Variants in PRKCZ observed in about 807,000 individuals in gnomAD.
The protein encoded by PRKCZ is protein kinase C zeta type.
A neutral mutation model predicts 79.5 loss-of-function variants in PRKCZ; 33 were observed. The ratio of observed to expected loss-of-function variants is 0.41; its 90% CI spans 0.31 to 0.55. The LOEUF (loss-of-function observed/expected upper bound fraction) is 0.55, where lower values mean the gene tolerates loss of function less well. PRKCZ is among the 20% of genes least tolerant of loss of function. The pLI is 0.19. For missense variants in PRKCZ, 578 were observed against 813.5 expected (o/e 0.71, Z 3.52); for synonymous variants, 342 against 320.9 (o/e 1.07, Z -0.70).
intron 4 of PRKCZ, among the ~76,000 whole-genome samples, chr1:2,114,666 C>T (rs1038165665): frequency 2.6e-5 from 4 of 151,908 alleles, no homozygotes; most frequent in South Asian, 2.1e-4. Flanking sequence ...CCCAGCTGCT[C>T]GGGAGGCTGA....
chr1:2,160,296 G>A (rs1025906278), intron 10 of PRKCZ, among the ~76,000 whole-genome samples: 2 of 150,836 alleles, frequency 1.3e-5, no homozygotes, highest in African/African-American at 2.5e-5. Context: ...AAACCTGCCC[G>A]AAGCTCTGGA....
chr1:2,153,939 C>T (rs976032671), intron 9 of PRKCZ, among the ~76,000 whole-genome samples: 2 of 152,234 alleles, frequency 1.3e-5, no homozygotes, highest in African/African-American at 2.4e-5. Flanking sequence ...CTTGTTCCCC[C>T]AGGAGTCACT....
intron 10 of PRKCZ, among the ~76,000 whole-genome samples, chr1:2,157,922 C>T (rs950168872): frequency 6.6e-6 from 1 of 151,702 alleles, no homozygotes; most frequent in Non-Finnish European, 1.5e-5. Context: ...GCCAGCTTTG[C>T]GGGCCAGGCT....
chr1:2,103,099 A>C (rs985536421), intron 4 of PRKCZ, among the ~76,000 whole-genome samples: 47 of 152,120 alleles, frequency 3.1e-4, no homozygotes, highest in African/African-American at 1.1e-3. Context: ...GGAATGCCCC[A>C]AGTGATTCTC....
At chr1:2,157,311 G>A (rs1215192325) in intron 10 of PRKCZ, among the ~76,000 whole-genome samples, 1 of 152,180 alleles carries the variant, frequency 6.6e-6, no homozygotes, top group Non-Finnish European at 1.5e-5. Context: ...CCCGTGCCCA[G>A]TCAAGGTGAC....
upstream of PRKCZ, chr1:2,049,095 G>A (rs1245126425): frequency 1.3e-5 from 2 of 152,314 alleles, no homozygotes; most frequent in Non-Finnish European, 2.9e-5. Flanking sequence ...GAACCCAGGA[G>A]GCAGAAGTTG....
At chr1:2,108,039 A>C (rs930234683) in intron 4 of PRKCZ, among the ~76,000 whole-genome samples, 48 of 152,230 alleles carry the variant, frequency 3.2e-4, no homozygotes, top group Non-Finnish European at 6.3e-4. Flanking sequence ...GGGTGCTGCC[A>C]GCCTTAGGCC....
chr1:2,052,221 C>T (rs1659735540), intron 1 of PRKCZ, among the ~76,000 whole-genome samples: 1 of 152,162 alleles, frequency 6.6e-6, no homozygotes, highest in African/African-American at 2.4e-5. Context: ...GCGTCCAATT[C>T]CTGGGACCAA....
rs889468293 is a variant in PRKCZ at position 2,127,598 on chromosome 1, G to A, written c.335-7664G>A. On this transcript the variant is annotated intron_variant, in intron 4 of 17. Coordinates refer to ENST00000378567, the MANE Select transcript of PRKCZ (RefSeq NM_002744.6). This position sits in a 1 kb window ranked among gnomAD's most constrained non-coding sequence, Gnocchi z 5.1. ...GGACTTCTGTTCAGACAGCTCTGCTGGGAGCGTTCTGGCCTGAAATGCAGT... is the reference window on the plus strand; with the variant it reads ...GGACTTCTGTTCAGACAGCTCTGCTAGGAGCGTTCTGGCCTGAAATGCAGT... Among the ~76,000 whole-genome samples the A allele has an allele frequency of 6.6e-6, 1 of 152,250 alleles. No homozygotes were observed. The highest frequency in any genetic ancestry group is 2.4e-5 in the African/African-American group (1 of 41,472).
chr1:2,168,261 C>T lies in PRKCZ; in HGVS notation c.975-1257C>T, dbSNP rs933676913. ...ATAGATGCACCAGTGAGCATAGCCTCGTTCCAATAAAACTTTATTTACAAA... is the reference window on the plus strand; with the variant it reads ...ATAGATGCACCAGTGAGCATAGCCTTGTTCCAATAAAACTTTATTTACAAA... On this transcript the variant is annotated intron_variant, in intron 10 of 17. Coordinates refer to ENST00000378567, the MANE Select transcript of PRKCZ (RefSeq NM_002744.6). This position sits in a 1 kb window ranked among gnomAD's most constrained non-coding sequence, Gnocchi z 4.7. 1.3e-5 allele frequency among the ~76,000 whole-genome samples: 2 copies of T among 152,194 alleles called. No homozygotes were observed. The highest frequency in any genetic ancestry group is 4.8e-5 in the African/African-American group (2 of 41,432).
chr1:2,052,671 C>A (rs1330399195), intron 1 of PRKCZ, among the ~76,000 whole-genome samples: 1 of 152,108 alleles, frequency 6.6e-6, no homozygotes, highest in Non-Finnish European at 1.5e-5. Context: ...GCACCCGGTG[C>A]CTCTCTGAGG....
intron 4 of PRKCZ, chr1:2,073,802 C>T (rs1025683680): frequency 2.9e-6 from 3 of 1,030,554 alleles, no homozygotes; most frequent in Non-Finnish European, 3.5e-6. Context: ...GCCTCCCTGC[C>T]TATTGTCGGG....
Position 2,082,532 on chromosome 1 carries a change from C to T in PRKCZ, c.334+22941C>T, listed in dbSNP as rs1425158773. 1 of 402,002 alleles carries T rather than the reference C, an allele frequency of 2.5e-6. No individual in the cohort carries two copies. The highest frequency in any genetic ancestry group is 2.1e-5 in the African/African-American group (1 of 48,376). 24.9% of individuals were successfully genotyped at this position (402,002 alleles called of 1,614,324 possible). ...GTGGGCAGTGCCGTGCTGGTAAATG[C>T]TCTGTGAGGAAGGAACGATGGTGGG... On this transcript the variant is annotated intron_variant, in intron 4 of 17. Coordinates refer to ENST00000378567, the MANE Select transcript of PRKCZ (RefSeq NM_002744.6). The surrounding 1 kb of genome is among the most constrained non-coding windows in gnomAD (Gnocchi z 4.4).
chr1:2,158,475 C>T (rs1486665613), intron 10 of PRKCZ, among the ~76,000 whole-genome samples: 2 of 152,232 alleles, frequency 1.3e-5, no homozygotes, highest in African/African-American at 4.8e-5. Flanking sequence ...CCTTCTGCTC[C>T]CCTGCTTCCC....
intron 4 of PRKCZ, among the ~76,000 whole-genome samples, chr1:2,098,026 A>C (rs1173402778): frequency 6.6e-6 from 1 of 151,972 alleles, no homozygotes; most frequent in Admixed American, 6.6e-5. Flanking sequence ...CGGGGTGAAT[A>C]GTTTGACGGG....
At position 2,172,579 on chromosome 1, in the gene PRKCZ, TG is replaced by T. The variant is rs1208487128; in HGVS notation, c.1285+192del. 6.6e-6 allele frequency among the ~76,000 whole-genome samples: 1 copy of T among 152,224 alleles called. No individual in the cohort carries two copies. Among genetic ancestry groups the T allele is most frequent in the African/African-American group, 2.4e-5 (1 of 41,468 alleles). On this transcript the variant is annotated intron_variant, in intron 13 of 17. Coordinates refer to ENST00000378567, the MANE Select transcript of PRKCZ (RefSeq NM_002744.6). The surrounding 1 kb of genome is among the most constrained non-coding windows in gnomAD (Gnocchi z 7.8). Reference sequence around the variant, plus strand: ...TTCTGGAAAACCTCCCATGTCCACTTGAGCAGCTCCTTGGGGAGGGCACTGC... The same window carrying T: ...TTCTGGAAAACCTCCCATGTCCACTTAGCAGCTCCTTGGGGAGGGCACTGC...
rs1385518850 is a variant in PRKCZ at position 2,094,145 on chromosome 1, C to T, written c.334+34554C>T. 6.6e-6 allele frequency among the ~76,000 whole-genome samples: 1 copy of T among 152,168 alleles called. No homozygotes were observed. The highest frequency in any genetic ancestry group is 1.5e-5 in the Non-Finnish European group (1 of 68,024). On this transcript the variant is annotated intron_variant, in intron 4 of 17. Coordinates refer to ENST00000378567, the MANE Select transcript of PRKCZ (RefSeq NM_002744.6). This position sits in a 1 kb window ranked among gnomAD's most constrained non-coding sequence, Gnocchi z 7.3. ...TTCTGCCTGATGCACAACCTCAGAG[C>T]CCTCCGTCGCCATCCCTCCCCCGTC...
At position 2,056,591 on chromosome 1, in the gene PRKCZ, T is replaced by C; in HGVS notation, c.283+18T>C. On this transcript the variant is annotated intron_variant, in intron 3 of 17. Transcript: ENST00000378567. ...CATTCATGGTTAGTGGCGGGGTCTG[T>C]GGTGGGCAGCTCTGGGGGGCTGTTC... 6.2e-7 allele frequency: 1 copy of C among 1,606,972 alleles called. No homozygotes were observed.
At chr1:2,065,711 G>C (rs2803294) in intron 4 of PRKCZ, among the ~76,000 whole-genome samples, 1 of 149,082 alleles carries the variant, frequency 6.7e-6, no homozygotes, top group East Asian at 2.0e-4. Context: ...AAGTGGTGTG[G>C]TCAATCATCC....
Sources: allele counts gnomAD v4.1 joint callset (sites outside exome capture counted in the v4.1 genomes callset), GRCh38; gene constraint gnomAD v4.1.1; non-coding constraint Gnocchi (gnomAD v3.1); transcripts MANE v1.5; gene names NCBI Gene and HGNC (gene_info 2026-07-23, HGNC 2026-07-21).